The following GSG1L variants were observed in gnomAD, a reference collection of about 807,000 sequenced individuals.
GSG1L encodes germ cell-specific gene 1-like protein.
GSG1L carries 24 observed loss-of-function variants against 42.1 expected under a neutral mutation model. That is an observed-to-expected ratio of 0.57 (90% confidence interval 0.41 to 0.80). The LOEUF is 0.80. GSG1L is among the 30% of genes least tolerant of loss of function. GSG1L has a pLI of 0.00. For synonymous variants in GSG1L, 215 were observed against 203.5 expected, an observed-to-expected ratio of 1.06 and a Z score of -0.48; for missense variants, 445 against 472.2, an observed-to-expected ratio of 0.94 and a Z score of 0.53.
intron 2 of GSG1L, among the ~76,000 whole-genome samples, chr16:27,909,705 GATC>G (rs1400114847): frequency 7.3e-6 from 1 of 137,676 alleles, no homozygotes; most frequent in African/African-American, 2.7e-5. Context: ...ACAATGGTGT[GATC>G]ATATCTCACA....
chr16:27,924,216 A>G (rs1398044032), intron 2 of GSG1L, among the ~76,000 whole-genome samples: 1 of 151,626 alleles, frequency 6.6e-6, no homozygotes, highest in Non-Finnish European at 1.5e-5. Flanking sequence ...TATATACAGT[A>G]TTATATATTT....
chr16:27,895,521 C>T (rs1306454802), intron 2 of GSG1L, among the ~76,000 whole-genome samples: 1 of 152,168 alleles, frequency 6.6e-6, no homozygotes. Context: ...TCCTGCAAAC[C>T]TTTCCCCATG....
At chr16:27,798,978 T>G (rs2082851185) in intron 6 of GSG1L, among the ~76,000 whole-genome samples, 1 of 152,122 alleles carries the variant, frequency 6.6e-6, no homozygotes, top group Admixed American at 6.5e-5. Flanking sequence ...GAGGACTAAG[T>G]GAGCTAAATC....
chr16:27,946,889 C>T (rs903160404), intron 2 of GSG1L, among the ~76,000 whole-genome samples: 1 of 152,136 alleles, frequency 6.6e-6, no homozygotes, highest in African/African-American at 2.4e-5. Context: ...GGAGTTTGAG[C>T]CAGACGTTGT....
intron 2 of GSG1L, among the ~76,000 whole-genome samples, chr16:27,920,658 C>A (rs2084513941): frequency 6.6e-6 from 1 of 152,224 alleles, no homozygotes; most frequent in Non-Finnish European, 1.5e-5. Context: ...CACTGTTCAT[C>A]ACGGCATGCT....
At chr16:28,018,100 A>C (rs1439744722) in intron 1 of GSG1L, among the ~76,000 whole-genome samples, 1 of 152,244 alleles carries the variant, frequency 6.6e-6, no homozygotes, top group Non-Finnish European at 1.5e-5. Context: ...GCACAACAAA[A>C]TTCAAGCCTT....
chr16:27,812,181 G>A (rs149740517), intron 5 of GSG1L, among the ~76,000 whole-genome samples: 1 of 152,294 alleles, frequency 6.6e-6, no homozygotes, highest in East Asian at 1.9e-4. Flanking sequence ...AACACCTGCC[G>A]AGGAGAGAGC....
At chr16:27,905,948 AC>A (rs1234438871) in intron 2 of GSG1L, among the ~76,000 whole-genome samples, 3 of 152,066 alleles carry the variant, frequency 2.0e-5, no homozygotes, top group African/African-American at 7.2e-5. Context: ...ATCTAGACGC[AC>A]CAACTTCAGG....
At chr16:27,804,324 G>C (rs2082931260) in intron 6 of GSG1L, among the ~76,000 whole-genome samples, 1 of 152,076 alleles carries the variant, frequency 6.6e-6, no homozygotes, top group Non-Finnish European at 1.5e-5. Context: ...GCTCCTTCCA[G>C]CTGTCGGACA....
chr16:27,858,517 G>T (rs2083606666), intron 3 of GSG1L, among the ~76,000 whole-genome samples: 2 of 152,154 alleles, frequency 1.3e-5, no homozygotes, highest in Non-Finnish European at 2.9e-5. Flanking sequence ...CATTCATTCA[G>T]CAAATATTTA....
chr16:27,878,242 T>TA (rs2083910816), intron 3 of GSG1L, among the ~76,000 whole-genome samples: 1 of 152,104 alleles, frequency 6.6e-6, no homozygotes, highest in African/African-American at 2.4e-5. Flanking sequence ...CAAGACTGGG[T>TA]AATTTATAAA....
At chr16:27,933,650 A>C (rs1000411279) in intron 2 of GSG1L, among the ~76,000 whole-genome samples, 1 of 141,392 alleles carries the variant, frequency 7.1e-6, no homozygotes, top group Non-Finnish European at 1.5e-5. Flanking sequence ...CTTTGTCACA[A>C]AAAAAAAAAA....
chr16:27,979,598 G>A lies in GSG1L; in HGVS notation c.350-16395C>T, dbSNP rs541464195. 1.2e-4 allele frequency among the ~76,000 whole-genome samples: 17 copies of A among 138,746 alleles called. No homozygotes were observed. In the South Asian group the frequency reaches 4.1e-3, roughly 33 times the overall value. 91.0% of individuals were successfully genotyped at this position (138,746 alleles called of 152,430 possible). On this transcript the variant is annotated intron_variant, in intron 1 of 6. Coordinates refer to ENST00000447459, the MANE Select transcript of GSG1L (RefSeq NM_001109763.2). ...AAAAAAAAAGAAAGAAGGAAGGAAGGAAGAAAGAAAGGAAGGAAGAAAGGG... is the reference window on the plus strand; with the variant it reads ...AAAAAAAAAGAAAGAAGGAAGGAAGAAAGAAAGAAAGGAAGGAAGAAAGGG...
chr16:27,970,187 AGCAG>A (rs2085178604), intron 1 of GSG1L, among the ~76,000 whole-genome samples: 2 of 152,142 alleles, frequency 1.3e-5, no homozygotes, highest in African/African-American at 4.8e-5. Flanking sequence ...CATCCTTTGA[AGCAG>A]AAAAGTTTTT....
intron 1 of GSG1L, among the ~76,000 whole-genome samples, chr16:28,019,028 G>A (rs1415758318): frequency 6.6e-6 from 1 of 152,144 alleles, no homozygotes; most frequent in Non-Finnish European, 1.5e-5. Context: ...GGGAGAAGCT[G>A]GTCGAGGTGT....
At chr16:27,798,452 T>C (rs1312107758) in intron 6 of GSG1L, among the ~76,000 whole-genome samples, 2 of 152,148 alleles carry the variant, frequency 1.3e-5, no homozygotes, top group Non-Finnish European at 2.9e-5. Context: ...AATAGGTCCT[T>C]GGCAGGCGGA....
intron 1 of GSG1L, among the ~76,000 whole-genome samples, chr16:27,971,175 T>C (rs2085189076): frequency 6.6e-6 from 1 of 152,178 alleles, no homozygotes; most frequent in Non-Finnish European, 1.5e-5. Flanking sequence ...TGAATTTCTT[T>C]AAAAAAGCAA....
chr16:27,862,602 C>T (rs2083667620), intron 3 of GSG1L, among the ~76,000 whole-genome samples: 1 of 152,230 alleles, frequency 6.6e-6, no homozygotes, highest in Admixed American at 6.5e-5. Context: ...TCAGGCCTGA[C>T]CAGGGCAGGC....
chr16:28,008,881 C>T (rs879781584), intron 1 of GSG1L, among the ~76,000 whole-genome samples: 17 of 152,062 alleles, frequency 1.1e-4, no homozygotes, highest in Non-Finnish European at 1.8e-4. Flanking sequence ...GGATTTCGGA[C>T]CACTGCAACC....
Sources: allele counts gnomAD v4.1 joint callset (sites outside exome capture counted in the v4.1 genomes callset), GRCh38; gene constraint gnomAD v4.1.1; transcripts MANE v1.5; gene names NCBI Gene and HGNC (gene_info 2026-07-23, HGNC 2026-07-21).